The following CNNM2 variants were observed in gnomAD, a reference collection of about 807,000 sequenced individuals.
CNNM2 encodes the protein metal transporter CNNM2.
A neutral mutation model predicts 66.9 loss-of-function variants in CNNM2; 12 were observed. That is an observed-to-expected ratio of 0.18 (90% CI 0.11 to 0.29). CNNM2 has a LOEUF of 0.29. Among genes scored for constraint, CNNM2 ranks in the 10% least tolerant of loss-of-function variants. The pLI is 1.00. For synonymous variants in CNNM2, 557 were observed against 501.8 expected (o/e 1.11, Z -1.47); for missense variants, 705 against 1,167.7 (o/e 0.60, Z 5.77).
chr10:103,016,978 C>T (rs1375857274), intron 1 of CNNM2, among the ~76,000 whole-genome samples: 11 of 142,374 alleles, frequency 7.7e-5, no homozygotes, highest in African/African-American at 1.8e-4. Flanking sequence ...GTTTTGTTTC[C>T]TTTTTTTTTT....
At chr10:102,941,629 G>A (rs867800760) in intron 1 of CNNM2, among the ~76,000 whole-genome samples, 14 of 152,212 alleles carry the variant, frequency 9.2e-5, no homozygotes, top group Admixed American at 4.6e-4. Context: ...ATGTCCTTTC[G>A]CCAGATAGCT....
intron 1 of CNNM2, among the ~76,000 whole-genome samples, chr10:103,048,495 C>T (rs546542481): frequency 9.2e-5 from 14 of 152,112 alleles, no homozygotes; most frequent in Admixed American, 7.2e-4. Flanking sequence ...GGATTACAGG[C>T]GTGAGCCACC....
intron 5 of CNNM2, among the ~76,000 whole-genome samples, chr10:103,069,348 A>G (rs976239368): frequency 3.3e-5 from 5 of 152,110 alleles, no homozygotes; most frequent in South Asian, 2.1e-4. Context: ...GACTGGCGCT[A>G]CGTGTCAGAG....
intron 1 of CNNM2, among the ~76,000 whole-genome samples, chr10:102,999,852 T>C (rs2064082642): frequency 6.6e-6 from 1 of 152,200 alleles, no homozygotes; most frequent in Non-Finnish European, 1.5e-5. Flanking sequence ...CTCAGACCCA[T>C]TCTGATGACT....
At chr10:102,980,763 G>A (rs942324246) in intron 1 of CNNM2, among the ~76,000 whole-genome samples, 2 of 152,238 alleles carry the variant, frequency 1.3e-5, no homozygotes, top group African/African-American at 2.4e-5. Context: ...AAACCAATGT[G>A]TTCAGTGTTT....
At chr10:103,018,311 T>C (rs1042376513) in intron 1 of CNNM2, among the ~76,000 whole-genome samples, 1 of 152,120 alleles carries the variant, frequency 6.6e-6, no homozygotes, top group Non-Finnish European at 1.5e-5. Context: ...AACAACTGGG[T>C]AGATGTTAAT....
Position 103,089,457 on chromosome 10 carries a change from C to G in CNNM2, c.*12277C>G, listed in dbSNP as rs545546625. ...ATTTTACCCTTATTTTCTTCTAATACAGACTCCATTACAATTTTGGACCAT... is the reference window on the plus strand; with the variant it reads ...ATTTTACCCTTATTTTCTTCTAATAGAGACTCCATTACAATTTTGGACCAT... On this transcript the variant is annotated 3_prime_UTR_variant, in exon 8 of 8. Transcript: ENST00000369878. 1.4e-6 allele frequency: 1 copy of G among 694,772 alleles called. No individual in the cohort carries two copies. The highest frequency in any genetic ancestry group is 3.8e-5 in the Admixed American group (1 of 26,128). The allele number at this position is 694,772 out of a possible 1,614,324, so 43.0% of individuals were successfully genotyped here.
chr10:103,055,954 G>C (rs2065288032), intron 3 of CNNM2, among the ~76,000 whole-genome samples: 1 of 152,102 alleles, frequency 6.6e-6, no homozygotes, highest in Non-Finnish European at 1.5e-5. Flanking sequence ...CAGGCATGGT[G>C]GTGGGTGCCT....
intron 5 of CNNM2, among the ~76,000 whole-genome samples, chr10:103,070,760 T>A (rs1357841652): frequency 6.6e-6 from 1 of 152,130 alleles, no homozygotes; most frequent in Non-Finnish European, 1.5e-5. Context: ...TGAAACCCCA[T>A]CTCTACTAAA....
chr10:102,989,207 A>T (rs921834548), intron 1 of CNNM2, among the ~76,000 whole-genome samples: 7 of 152,156 alleles, frequency 4.6e-5, no homozygotes, highest in Non-Finnish European at 8.8e-5. Context: ...CCCTGGCAAA[A>T]TGTCAGGATG....
At chr10:102,948,881 G>A (rs1297211318) in intron 1 of CNNM2, among the ~76,000 whole-genome samples, 1 of 128,428 alleles carries the variant, frequency 7.8e-6, no homozygotes, top group Non-Finnish European at 1.7e-5. Flanking sequence ...TTCAATGATA[G>A]AGAGAGAGAG....
At chr10:102,972,360 G>T (rs2063558631) in intron 1 of CNNM2, among the ~76,000 whole-genome samples, 1 of 152,188 alleles carries the variant, frequency 6.6e-6, no homozygotes, top group Non-Finnish European at 1.5e-5. Flanking sequence ...TTCCTGGCCA[G>T]GCACGGTGGC....
intron 1 of CNNM2, among the ~76,000 whole-genome samples, chr10:102,984,566 T>C (rs1305018460): frequency 1.3e-5 from 2 of 152,234 alleles, no homozygotes; most frequent in African/African-American, 2.4e-5. Flanking sequence ...AAGGAATATG[T>C]GTAAAAGGCT....
Position 102,983,258 on chromosome 10 carries a change from ATATT to A in CNNM2, c.1621+63158_1621+63161del, listed in dbSNP as rs199762858. Among the ~76,000 whole-genome samples the A allele has an allele frequency of 4.0e-3, 604 of 150,388 alleles. 17 individuals are homozygous for A. In the East Asian group the frequency reaches 0.072, roughly 18 times the overall value. On this transcript the variant is annotated intron_variant, in intron 1 of 7. Coordinates refer to ENST00000369878, the MANE Select transcript of CNNM2 (RefSeq NM_017649.5). The stretch of plus-strand genomic sequence containing the variant: ...AATTAAGGAGTAAAATATATGCTAT[ATATT>A]ATATAACTATGGAATTTTAGGTCTT...
intron 4 of CNNM2, among the ~76,000 whole-genome samples, chr10:103,064,137 C>T (rs190023958): frequency 6.6e-6 from 1 of 152,166 alleles, no homozygotes; most frequent in African/African-American, 2.4e-5. Flanking sequence ...CTGCAGGTAC[C>T]CTTTAATCTG....
At position 102,976,588 on chromosome 10, in the gene CNNM2, G is replaced by T. The variant is rs7092815; in HGVS notation, c.1621+56487G>T. Among the ~76,000 whole-genome samples, 43,931 of 142,974 alleles carry T rather than the reference G, an allele frequency of 0.31. 6,950 individuals carry two copies. The highest frequency in any genetic ancestry group is 0.38 in the Middle Eastern group (100 of 260). 93.8% of individuals were successfully genotyped at this position (142,974 alleles called of 152,430 possible). A position where few individuals can be genotyped will look rare whatever the true frequency, so the allele number is the denominator to read the frequency against. On this transcript the variant is annotated intron_variant, in intron 1 of 7. Coordinates refer to ENST00000369878, the MANE Select transcript of CNNM2 (RefSeq NM_017649.5). Reference sequence around the variant, plus strand: ...ACCCTCATGAGTAGCTGGAATTACAGGTGTGCGCCACACGCCCAGGTAATT... The same window carrying T: ...ACCCTCATGAGTAGCTGGAATTACATGTGTGCGCCACACGCCCAGGTAATT...
At chr10:103,068,828 C>G in intron 5 of CNNM2, 106 bp downstream of exon 5, 1 of 821,548 alleles carries the variant, frequency 1.2e-6, no homozygotes. Context: ...CATTCACTTC[C>G]TTTTTGAACT....
At chr10:103,047,765 A>G (rs1283393786) in intron 1 of CNNM2, among the ~76,000 whole-genome samples, 1 of 152,188 alleles carries the variant, frequency 6.6e-6, no homozygotes, top group African/African-American at 2.4e-5. Flanking sequence ...TGGTTCACTG[A>G]GTTATACAGA....
At chr10:102,949,803 T>C (rs995715631) in intron 1 of CNNM2, among the ~76,000 whole-genome samples, 4 of 151,692 alleles carry the variant, frequency 2.6e-5, no homozygotes, top group Non-Finnish European at 4.4e-5. Flanking sequence ...ATAATAATAA[T>C]AACAATAATA....
Sources: allele counts gnomAD v4.1 joint callset (sites outside exome capture counted in the v4.1 genomes callset), GRCh38; gene constraint gnomAD v4.1.1; transcripts MANE v1.5; gene names NCBI Gene and HGNC (gene_info 2026-07-23, HGNC 2026-07-21).